PKP4: variants seen among roughly 807,000 people sequenced by gnomAD.
PKP4 encodes the protein plakophilin-4.
PKP4 carries 90 observed loss-of-function variants against 145.1 expected under a neutral mutation model. The observed-to-expected ratio is 0.62, with a 90% CI of 0.52 to 0.74. PKP4 has a LOEUF of 0.74. Among genes scored for constraint, PKP4 ranks in the 30% least tolerant of loss-of-function variants. The pLI is 0.00. For missense variants in PKP4, 1,340 were observed against 1,482.7 expected, an observed-to-expected ratio of 0.90 and a Z score of 1.58; for synonymous variants, 563 against 577.2, an observed-to-expected ratio of 0.98 and a Z score of 0.35.
intron 2 of PKP4, among the ~76,000 whole-genome samples, chr2:158,557,337 G>C (rs1337311631): frequency 6.6e-6 from 1 of 152,126 alleles, no homozygotes; most frequent in Non-Finnish European, 1.5e-5. Context: ...GGAAATGTAA[G>C]GGAATGGCTA....
chr2:158,637,088 A>G (rs1297718624), intron 9 of PKP4, among the ~76,000 whole-genome samples: 2 of 152,180 alleles, frequency 1.3e-5, no homozygotes, highest in Non-Finnish European at 2.9e-5. Flanking sequence ...ATGATACATT[A>G]TAGGGAATCT....
At chr2:158,551,396 G>C (rs533536650) in intron 2 of PKP4, among the ~76,000 whole-genome samples, 37 of 152,288 alleles carry the variant, frequency 2.4e-4, no homozygotes, top group Non-Finnish European at 2.4e-4. Flanking sequence ...CGATTCCCAA[G>C]GTAATTGATC....
chr2:158,609,997 T>TCTTCCCTATTA (rs1313007475), intron 4 of PKP4, among the ~76,000 whole-genome samples: 1 of 152,228 alleles, frequency 6.6e-6, no homozygotes, highest in African/African-American at 2.4e-5. Flanking sequence ...TCTTTAAACT[T>TCTTCCCTATTA]CTTCCCTAGA....
rs183681016 is a variant in PKP4, at chr2:158,635,102, A to G, written c.1562+813A>G. On this transcript the variant is annotated intron_variant, in intron 9 of 21. Coordinates refer to ENST00000389759, the MANE Select transcript of PKP4 (RefSeq NM_003628.6). ...GCAAGATTTCATTCACTCTTCGCCC[A>G]CAAATAGTTGCTTCACTGGAAAATT... is the stretch of plus-strand genomic sequence containing the variant. Among the ~76,000 whole-genome samples, 92 of 152,334 alleles carry G rather than the reference A, an allele frequency of 6.0e-4. 1 individual carries two copies. The highest frequency in any genetic ancestry group is 6.8e-3 in the Middle Eastern group (2 of 294).
At chr2:158,533,898 A>G (rs1044943074) in intron 2 of PKP4, among the ~76,000 whole-genome samples, 6 of 152,070 alleles carry the variant, frequency 3.9e-5, no homozygotes, top group Non-Finnish European at 7.4e-5. Flanking sequence ...GTAACCTCCT[A>G]TATTAGGTCT....
At chr2:158,586,105 C>A (rs2048782262) in intron 3 of PKP4, among the ~76,000 whole-genome samples, 3 of 152,230 alleles carry the variant, frequency 2.0e-5, no homozygotes, top group African/African-American at 7.2e-5. Flanking sequence ...ATTGGTACTT[C>A]ATCTTTTTTT....
intron 4 of PKP4, among the ~76,000 whole-genome samples, chr2:158,610,078 C>T (rs1182605514): frequency 6.6e-6 from 1 of 152,188 alleles, no homozygotes; most frequent in Non-Finnish European, 1.5e-5. Context: ...CTTCATTATT[C>T]TGTACCCTCT....
At chr2:158,539,915 C>T (rs1003921173) in intron 2 of PKP4, among the ~76,000 whole-genome samples, 1 of 152,094 alleles carries the variant, frequency 6.6e-6, no homozygotes, top group African/African-American at 2.4e-5. Context: ...ATTTTGTTAA[C>T]GATGCAGGGT....
intron 1 of PKP4, among the ~76,000 whole-genome samples, chr2:158,465,566 G>A (rs1690482956): frequency 6.6e-6 from 1 of 151,726 alleles, no homozygotes; most frequent in Non-Finnish European, 1.5e-5. Context: ...ATTGTGTTTT[G>A]TGCTTTTCTT....
chr2:158,521,824 G>A (rs2042398416), intron 1 of PKP4, among the ~76,000 whole-genome samples: 1 of 152,072 alleles, frequency 6.6e-6, no homozygotes. Context: ...GCTATATGAT[G>A]ATACTCCTAG....
chr2:158,511,871 G>T (rs1422165806), intron 1 of PKP4, among the ~76,000 whole-genome samples: 1 of 151,936 alleles, frequency 6.6e-6, no homozygotes, highest in East Asian at 1.9e-4. Flanking sequence ...CTCTGAATCA[G>T]CCCATTGGGT....
chr2:158,620,273 C>T (rs2052080193), intron 4 of PKP4, among the ~76,000 whole-genome samples: 1 of 152,066 alleles, frequency 6.6e-6, no homozygotes, highest in Non-Finnish European at 1.5e-5. Context: ...GCATGATCTA[C>T]ACCACCTAAG....
At chr2:158,595,343 C>T (rs1282846219) in intron 3 of PKP4, among the ~76,000 whole-genome samples, 3 of 152,142 alleles carry the variant, frequency 2.0e-5, no homozygotes, top group African/African-American at 4.8e-5. Flanking sequence ...AATGAGCTCA[C>T]GGACATTCTT....
At chr2:158,517,195 A>G (rs933421501) in intron 1 of PKP4, among the ~76,000 whole-genome samples, 1 of 152,218 alleles carries the variant, frequency 6.6e-6, no homozygotes, top group Non-Finnish European at 1.5e-5. Context: ...TTGAGATTTC[A>G]TATGGTTTAC....
intron 3 of PKP4, among the ~76,000 whole-genome samples, chr2:158,602,489 G>C (rs912199994): frequency 1.3e-5 from 2 of 152,124 alleles, no homozygotes; most frequent in Non-Finnish European, 2.9e-5. Context: ...AAGCAGGGAG[G>C]CACTGATATG....
At chr2:158,668,571 T>G (rs1006101973) in intron 16 of PKP4, among the ~76,000 whole-genome samples, 1 of 152,230 alleles carries the variant, frequency 6.6e-6, no homozygotes, top group Non-Finnish European at 1.5e-5. Context: ...AATTTAAAGT[T>G]ATGCCTTAGC....
chr2:158,510,089 G>A (rs1233182646), intron 1 of PKP4, among the ~76,000 whole-genome samples: 3 of 152,090 alleles, frequency 2.0e-5, no homozygotes, highest in Non-Finnish European at 4.4e-5. Context: ...TCACCTAAAA[G>A]GAAAGAAGTT....
intron 1 of PKP4, among the ~76,000 whole-genome samples, chr2:158,473,739 A>C (rs1015657530): frequency 6.6e-6 from 1 of 152,152 alleles, no homozygotes; most frequent in African/African-American, 2.4e-5. Context: ...TAATATGTAC[A>C]ACATACCCCA....
At chr2:158,579,382 A>G in intron 3 of PKP4, among the ~76,000 whole-genome samples, 1 of 151,900 alleles carries the variant, frequency 6.6e-6, no homozygotes, top group East Asian at 1.9e-4. Flanking sequence ...TGAAGAGGGT[A>G]GGAAGGACAG....
Sources: allele counts gnomAD v4.1 joint callset (sites outside exome capture counted in the v4.1 genomes callset), GRCh38; gene constraint gnomAD v4.1.1; transcripts MANE v1.5; gene names NCBI Gene and HGNC (gene_info 2026-07-23, HGNC 2026-07-21).